The following PDE8B variants were observed in gnomAD, a reference collection of about 807,000 sequenced individuals.
PDE8B encodes high affinity cAMP-specific and IBMX-insensitive 3',5'-cyclic phosphodiesterase 8B.
PDE8B carries 26 observed loss-of-function variants against 101.3 expected under a neutral mutation model. The ratio of observed to expected loss-of-function variants is 0.26; its 90% CI spans 0.19 to 0.36. PDE8B has a LOEUF of 0.36. Ranked by LOEUF, PDE8B falls within the 10% of genes least tolerant of loss-of-function variation. PDE8B has a pLI of 1.00. For synonymous variants in PDE8B, 424 were observed against 429.3 expected (o/e 0.99, Z 0.15); for missense variants, 810 against 1,163.1 (o/e 0.70, Z 4.42).
intron 1 of PDE8B, among the ~76,000 whole-genome samples, chr5:77,248,857 A>G (rs1757494549): frequency 6.6e-6 from 1 of 152,184 alleles, no homozygotes; most frequent in South Asian, 2.1e-4. Context: ...CAGGATTAGT[A>G]TCCCTATAAG....
the PDE8B span, chr5:77,100,362 A>G: frequency 6.6e-6 from 1 of 152,262 alleles, no homozygotes; most frequent in East Asian, 1.9e-4. Flanking sequence ...ATCTGCTGTG[A>G]GACACAATGA....
intron 1 of PDE8B, among the ~76,000 whole-genome samples, chr5:77,298,005 C>T (rs539424118): frequency 6.6e-6 from 1 of 152,290 alleles, no homozygotes; most frequent in African/African-American, 2.4e-5. Context: ...TTTTTGAAGG[C>T]GTGAACACTC....
At chr5:77,259,914 C>T (rs937455803) in intron 1 of PDE8B, among the ~76,000 whole-genome samples, 2 of 152,166 alleles carry the variant, frequency 1.3e-5, no homozygotes, top group African/African-American at 4.8e-5. Context: ...GTAATCCCAG[C>T]AGTTTGGGAG....
chr5:77,223,418 T>A (rs1438600598), intron 1 of PDE8B, among the ~76,000 whole-genome samples: 3 of 130,404 alleles, frequency 2.3e-5, no homozygotes, highest in African/African-American at 8.9e-5. Flanking sequence ...TTTTTGGAAC[T>A]AAGTTCTTAA....
At chr5:77,350,377 T>C (rs1168363363) in intron 8 of PDE8B, among the ~76,000 whole-genome samples, 2 of 152,072 alleles carry the variant, frequency 1.3e-5, no homozygotes, top group Non-Finnish European at 2.9e-5. Flanking sequence ...GCCAAAAGAA[T>C]ATAGCCACAC....
At chr5:77,374,276 T>G (rs1466614270) in intron 10 of PDE8B, among the ~76,000 whole-genome samples, 1 of 152,146 alleles carries the variant, frequency 6.6e-6, no homozygotes, top group African/African-American at 2.4e-5. Flanking sequence ...GAAGGTATAT[T>G]TTTTATGGAG....
chr5:77,426,019 T>A (rs1798033215), intron 21 of PDE8B, 123 bp downstream of exon 21: 10 of 982,638 alleles, frequency 1.0e-5, no homozygotes, highest in Non-Finnish European at 1.4e-5. Flanking sequence ...GCTGTCAGCT[T>A]TTTGTGGCCA....
At chr5:77,355,413 A>G (rs185137377) in intron 10 of PDE8B, among the ~76,000 whole-genome samples, 42 of 152,268 alleles carry the variant, frequency 2.8e-4, no homozygotes, top group African/African-American at 9.1e-4. Context: ...GCGAATGGCA[A>G]TGGGATCTGT....
chr5:77,372,888 T>A (rs1363493714), intron 10 of PDE8B, among the ~76,000 whole-genome samples: 1 of 152,190 alleles, frequency 6.6e-6, no homozygotes, highest in Non-Finnish European at 1.5e-5. Flanking sequence ...ATTAGCTGGG[T>A]GTAGCGGCGT....
At position 77,331,618 on chromosome 5, in the gene PDE8B, G is replaced by T. The variant is rs547953269; in HGVS notation, c.708+159G>T. 7 of 710,994 alleles carry T rather than the reference G, an allele frequency of 9.8e-6. No individual in the cohort carries two copies. In the South Asian group the frequency reaches 1.0e-4, roughly 10 times the overall value. 44.0% of individuals were successfully genotyped at this position (710,994 alleles called of 1,614,324 possible). A position where few individuals can be genotyped will look rare whatever the true frequency, so the allele number is the denominator to read the frequency against. On this transcript the variant is annotated intron_variant, in intron 5 of 21. Coordinates refer to ENST00000264917, the MANE Select transcript of PDE8B (RefSeq NM_003719.5). ...AACTGTGTTCTCATGGGAAAGTAAC[G>T]AGCAGCTGCCAGTCGAGCTCTTTGC...
intron 1 of PDE8B, among the ~76,000 whole-genome samples, chr5:77,236,222 T>C (rs1374763932): frequency 6.6e-6 from 1 of 152,164 alleles, no homozygotes; most frequent in Non-Finnish European, 1.5e-5. Context: ...CCAGTGTTTT[T>C]GGGATGGAAT....
At chr5:77,382,590 C>G (rs553941061) in intron 10 of PDE8B, among the ~76,000 whole-genome samples, 1 of 151,770 alleles carries the variant, frequency 6.6e-6, no homozygotes, top group East Asian at 2.0e-4. Flanking sequence ...CCCCACCCCA[C>G]CCTCCGACAG....
At chr5:77,258,558 C>G (rs1370442087) in intron 1 of PDE8B, among the ~76,000 whole-genome samples, 1 of 152,192 alleles carries the variant, frequency 6.6e-6, no homozygotes, top group Non-Finnish European at 1.5e-5. Context: ...CAAAGAACCC[C>G]ACACTTTAAA....
intron 10 of PDE8B, among the ~76,000 whole-genome samples, chr5:77,361,102 G>A (rs532235272): frequency 1.1e-3 from 160 of 152,298 alleles, no homozygotes; most frequent in Middle Eastern, 3.4e-3. Context: ...TTACTATCAT[G>A]TGTGCTCTTG....
rs1281149556 is a variant in PDE8B, at chr5:77,376,918, A to G, written c.1168-23330A>G. On this transcript the variant is annotated intron_variant, in intron 10 of 21. Coordinates refer to ENST00000264917, the MANE Select transcript of PDE8B (RefSeq NM_003719.5). ...GGTGGGGAAATGTTGGATCTCTCTCATTCTCTTATTCTCTGGACCATAATC... is the reference window on the plus strand; with the variant it reads ...GGTGGGGAAATGTTGGATCTCTCTCGTTCTCTTATTCTCTGGACCATAATC... 1.2e-4 allele frequency among the ~76,000 whole-genome samples: 18 copies of G among 152,122 alleles called. 1 individual carries two copies. Among genetic ancestry groups the G allele is most frequent in the Admixed American group, 1.2e-3 (18 of 15,260 alleles).
chr5:77,168,069 A>AT, the PDE8B span, among the ~76,000 whole-genome samples: 1 of 152,022 alleles, frequency 6.6e-6, no homozygotes. Context: ...TTTCCATTGT[A>AT]TTTTTTCCTC....
intron 1 of PDE8B, among the ~76,000 whole-genome samples, chr5:77,223,071 A>G (rs1394656315): frequency 6.6e-6 from 1 of 152,216 alleles, no homozygotes; most frequent in Non-Finnish European, 1.5e-5. Flanking sequence ...TGTAACCTGC[A>G]CATGTAATTG....
intron 2 of PDE8B, among the ~76,000 whole-genome samples, chr5:77,320,361 T>C (rs1774770761): frequency 6.6e-6 from 1 of 152,230 alleles, no homozygotes; most frequent in Admixed American, 6.5e-5. Flanking sequence ...GGCTGAGCTC[T>C]GCTCCAGAAA....
At chr5:77,102,173 G>A in the PDE8B span, among the ~76,000 whole-genome samples, 3 of 152,182 alleles carry the variant, frequency 2.0e-5, no homozygotes, top group Admixed American at 1.3e-4. Context: ...TTGGATGGCC[G>A]TGCTGGCCAG....
Sources: gnomAD v4.1 joint callset for allele counts (sites outside exome capture counted in the v4.1 genomes callset) on GRCh38, gnomAD v4.1.1 for gene constraint, MANE v1.5 for transcripts, NCBI Gene and HGNC (gene_info 2026-07-23, HGNC 2026-07-21) for gene names.